DPH6: variants seen among roughly 807,000 people sequenced by gnomAD.
DPH6 encodes diphthamine biosynthesis 6.
Under a neutral mutation model 38.2 loss-of-function variants are expected in DPH6, and 33 were observed. The observed-to-expected ratio is 0.86, with a 90% CI of 0.65 to 1.15. The LOEUF (loss-of-function observed/expected upper bound fraction) is 1.15. Ranked by LOEUF, DPH6 falls within the 50% of genes most tolerant of loss-of-function variation. The pLI, the probability that DPH6 is intolerant of heterozygous loss-of-function variation, is 0.00. For missense variants in DPH6, 325 were observed against 320.0 expected (o/e 1.02, Z -0.12); for synonymous variants, 108 against 103.0 (o/e 1.05, Z -0.30).
chr15:35,310,505 T>C (rs927250133), intron 3 of DPH6, among the ~76,000 whole-genome samples: 6 of 152,070 alleles, frequency 3.9e-5, no homozygotes, highest in African/African-American at 1.4e-4. Flanking sequence ...CAAAACTACA[T>C]TGCAATTATG....
chr15:35,424,494 C>G (rs1165124876), intron 5 of DPH6, among the ~76,000 whole-genome samples: 1 of 150,692 alleles, frequency 6.6e-6, no homozygotes. Flanking sequence ...ATGATATTAT[C>G]TGTAAGTAGA....
At chr15:35,278,142 T>C (rs1204173458) in intron 3 of DPH6, among the ~76,000 whole-genome samples, 8 of 152,162 alleles carry the variant, frequency 5.3e-5, no homozygotes, top group African/African-American at 1.7e-4. Flanking sequence ...CAGCCCCTCA[T>C]ATCACAGGCC....
At chr15:35,491,166 G>C (rs1663629674) in intron 3 of DPH6, among the ~76,000 whole-genome samples, 1 of 151,944 alleles carries the variant, frequency 6.6e-6, no homozygotes, top group Non-Finnish European at 1.5e-5. Flanking sequence ...GAAATTTAAA[G>C]AGAAATACAC....
chr15:35,275,453 A>G (rs1203026529), intron 3 of DPH6, among the ~76,000 whole-genome samples: 1 of 152,224 alleles, frequency 6.6e-6, no homozygotes, highest in Non-Finnish European at 1.5e-5. Flanking sequence ...ACACAGGAAC[A>G]GAAAACCATA....
intron 3 of DPH6, among the ~76,000 whole-genome samples, chr15:35,224,794 T>C: frequency 6.6e-6 from 1 of 152,210 alleles, no homozygotes; most frequent in Non-Finnish European, 1.5e-5. Context: ...TAATAGATTT[T>C]TAAGGACACT....
intron 5 of DPH6, among the ~76,000 whole-genome samples, chr15:35,447,442 C>G (rs905309220): frequency 6.6e-6 from 1 of 152,078 alleles, no homozygotes; most frequent in Non-Finnish European, 1.5e-5. Flanking sequence ...TACGTCCCCC[C>G]CCGCCATTTC....
downstream of DPH6, among the ~76,000 whole-genome samples, chr15:35,369,613 T>A (rs2052692476): frequency 1.4e-5 from 2 of 142,054 alleles, no homozygotes; most frequent in African/African-American, 2.7e-5. Flanking sequence ...CCTTAAAGCC[T>A]GTTATATGAA....
chr15:35,371,815 A>T lies in DPH6; in HGVS notation c.*335T>A. ...TTATTGGTAGGGATTGGAGCAAGAA[A>T]GAGAGAAGGAGGAAAAGAAACTAGT... On this transcript the variant is annotated 3_prime_UTR_variant, in exon 9 of 9. Transcript: ENST00000256538. The T allele has an allele frequency of 2.0e-6, 2 of 1,022,432 alleles. No homozygotes were observed. Among genetic ancestry groups the T allele is most frequent in the Non-Finnish European group, 2.3e-6 (2 of 855,304 alleles). The allele number at this position is 1,022,432 out of a possible 1,614,324, so 63.3% of individuals were successfully genotyped here.
At chr15:35,151,906 G>A in the DPH6 span, among the ~76,000 whole-genome samples, 2 of 152,136 alleles carry the variant, frequency 1.3e-5, no homozygotes, top group South Asian at 2.1e-4. Context: ...TGTGGTGCTC[G>A]GAAGTGCTCC....
At chr15:35,433,222 A>G (rs779840478) in intron 5 of DPH6, among the ~76,000 whole-genome samples, 13 of 152,248 alleles carry the variant, frequency 8.5e-5, no homozygotes, top group Non-Finnish European at 1.6e-4. Context: ...AAACTTCACA[A>G]ATCAGAAAAG....
chr15:35,436,799 T>C (rs1233030074), intron 5 of DPH6, among the ~76,000 whole-genome samples: 3 of 150,574 alleles, frequency 2.0e-5, no homozygotes, highest in Non-Finnish European at 4.4e-5. Context: ...TTAAGTTTTA[T>C]GCAAGAGGCT....
In DPH6 at chr15:35,317,191, G is replaced by A. The variant is rs144351818; in HGVS notation, n.200+56330C>T. On this transcript the variant is annotated intron_variant and non_coding_transcript_variant, in intron 3 of 3. Coordinates refer to the DPH6 transcript ENST00000560386. ...GGAGGATTGCTTGAGCCTGGAAGGC[G>A]GAGGTTGCAGTGTTCTGAGATTGTG... Among the ~76,000 whole-genome samples the A allele has an allele frequency of 1.2e-4, 19 of 152,112 alleles. No individual in the cohort carries two copies. The East Asian group carries it at 3.5e-3, about 28-fold the overall frequency.
chr15:35,210,430 C>G, the DPH6 span, among the ~76,000 whole-genome samples: 1 of 152,074 alleles, frequency 6.6e-6, no homozygotes, highest in Non-Finnish European at 1.5e-5. Context: ...GACTTTGCCC[C>G]CAGTGCAACG....
At chr15:35,310,070 T>C (rs1004812092) in intron 3 of DPH6, among the ~76,000 whole-genome samples, 1 of 152,154 alleles carries the variant, frequency 6.6e-6, no homozygotes, top group Non-Finnish European at 1.5e-5. Context: ...TTTGAATCAC[T>C]TGGAAACCCA....
At chr15:35,354,492 C>T (rs766861332) in intron 3 of DPH6, among the ~76,000 whole-genome samples, 6 of 151,986 alleles carry the variant, frequency 3.9e-5, no homozygotes, top group South Asian at 4.2e-4. Flanking sequence ...TAGCATGAAG[C>T]GTTGTTGAAT....
the DPH6 span, among the ~76,000 whole-genome samples, chr15:35,175,013 T>A: frequency 7.1e-4 from 108 of 152,342 alleles, 1 homozygote; most frequent in African/African-American, 2.5e-3. Flanking sequence ...TACATATCTA[T>A]GCTATTCTTT....
intron 3 of DPH6, chr15:35,237,784 G>A (rs2051565074): frequency 3.7e-6 from 6 of 1,605,194 alleles, no homozygotes; most frequent in Non-Finnish European, 5.1e-6. Flanking sequence ...GGGACGACAA[G>A]GAGGCCCCTA....
chr15:35,419,032 T>C (rs1258486016), intron 5 of DPH6, among the ~76,000 whole-genome samples: 1 of 150,570 alleles, frequency 6.6e-6, no homozygotes, highest in African/African-American at 2.5e-5. Context: ...AAGAACTGAA[T>C]ACCTCATGTA....
chr15:35,346,743 A>G (rs1300163377), intron 3 of DPH6, among the ~76,000 whole-genome samples: 3 of 152,152 alleles, frequency 2.0e-5, no homozygotes, highest in Non-Finnish European at 4.4e-5. Flanking sequence ...TATCCAGTGT[A>G]TACATTTGAG....
Sources: allele counts gnomAD v4.1 joint callset (sites outside exome capture counted in the v4.1 genomes callset), GRCh38; gene constraint gnomAD v4.1.1; transcripts MANE v1.5; gene names NCBI Gene and HGNC (gene_info 2026-07-23, HGNC 2026-07-21).